The following FA2H variants were observed in gnomAD, a reference collection of about 807,000 sequenced individuals.
The protein encoded by FA2H is fatty acid alpha-hydroxylase.
A neutral mutation model predicts 44.9 loss-of-function variants in FA2H; 22 were observed. That is an observed-to-expected ratio of 0.49 (90% CI 0.35 to 0.70). The LOEUF (loss-of-function observed/expected upper bound fraction) is 0.70. FA2H is among the 30% of genes least tolerant of loss of function. The pLI is 0.01. For missense variants in FA2H, 501 were observed against 504.9 expected, an observed-to-expected ratio of 0.99 and a Z score of 0.07; for synonymous variants, 243 against 213.2, an observed-to-expected ratio of 1.14 and a Z score of -1.22.
chr16:74,773,219 A>G (rs1180902669), intron 1 of FA2H, among the ~76,000 whole-genome samples: 1 of 152,172 alleles, frequency 6.6e-6, no homozygotes, highest in African/African-American at 2.4e-5. Flanking sequence ...TGAGTACAGT[A>G]CTATAAGATG....
intron 1 of FA2H, among the ~76,000 whole-genome samples, chr16:74,753,998 C>A (rs1287446552): frequency 6.6e-6 from 1 of 152,210 alleles, no homozygotes; most frequent in Non-Finnish European, 1.5e-5. Context: ...CGACATTGAA[C>A]TCTCTGTCTT....
At chr16:74,774,087 G>C (rs1309042702) in intron 1 of FA2H, among the ~76,000 whole-genome samples, 1 of 152,126 alleles carries the variant, frequency 6.6e-6, no homozygotes, top group Non-Finnish European at 1.5e-5. Context: ...AACAGAAACG[G>C]AGAGTGGTTG....
intron 2 of FA2H, among the ~76,000 whole-genome samples, chr16:74,730,043 C>G (rs1962043412): frequency 1.3e-5 from 2 of 152,174 alleles, no homozygotes; most frequent in Admixed American, 1.3e-4. Context: ...GCAATCTCAT[C>G]CTTGTACAGG....
intron 6 of FA2H, among the ~76,000 whole-genome samples, chr16:74,715,832 T>TTA (rs1247055291): frequency 0.032 from 4,776 of 147,878 alleles, 107 homozygotes; most frequent in African/African-American, 0.056. Flanking sequence ...TTTTTTTTTT[T>TTA]ATAGACAGAG....
rs554210355 is a variant in FA2H at position 74,721,985 on chromosome 16, A to G, written c.614-2825T>C. Among the ~76,000 whole-genome samples, 5 of 152,188 alleles carry G rather than the reference A, an allele frequency of 3.3e-5. No homozygotes were observed. The South Asian group carries it at 1.0e-3, about 32-fold the overall frequency. ...CCTTCCATGGATTACTTCCTATTTC[A>G]TCTCACCACAGCCTTACAAGGGAAG... On this transcript the variant is annotated intron_variant, in intron 4 of 6. Transcript: ENST00000219368.
At position 74,715,011 on chromosome 16, in the gene FA2H, T is replaced by A. The variant is rs189288386; in HGVS notation, c.1040-742A>T. ...ACCACCATATCCAGCTAATTTTTTG[T>A]GTTTTTAGTAGAGAGGGGGTTTCAA... On this transcript the variant is annotated intron_variant, in intron 6 of 6. Transcript: ENST00000219368. Among the ~76,000 whole-genome samples, 494 of 152,040 alleles carry A rather than the reference T, an allele frequency of 3.2e-3. 2 individuals are homozygous for A. The highest frequency in any genetic ancestry group is 5.1e-3 in the Non-Finnish European group (350 of 67,970).
intron 1 of FA2H, among the ~76,000 whole-genome samples, chr16:74,773,821 G>T (rs1386941872): frequency 1.3e-5 from 2 of 152,220 alleles, no homozygotes; most frequent in Non-Finnish European, 2.9e-5. Flanking sequence ...GGTCCAAAGT[G>T]CTGGTCCCTT....
At chr16:74,715,754 G>A (rs896714888) in intron 6 of FA2H, among the ~76,000 whole-genome samples, 2 of 151,640 alleles carry the variant, frequency 1.3e-5, no homozygotes, top group East Asian at 3.9e-4. Flanking sequence ...AGTGGAAATC[G>A]CTGGACCCTC....
chr16:74,753,102 G>A (rs897006445), intron 1 of FA2H, among the ~76,000 whole-genome samples: 2 of 152,200 alleles, frequency 1.3e-5, no homozygotes, highest in African/African-American at 2.4e-5. Flanking sequence ...TGATCCCTGC[G>A]TCCTGTTCCA....
At chr16:74,769,596 G>C (rs1023551706) in intron 1 of FA2H, among the ~76,000 whole-genome samples, 4 of 152,110 alleles carry the variant, frequency 2.6e-5, no homozygotes, top group African/African-American at 9.7e-5. Flanking sequence ...AAACTGGGGG[G>C]AAAAAAACCT....
intron 2 of FA2H, among the ~76,000 whole-genome samples, chr16:74,735,335 G>C (rs10438604): frequency 3.3e-5 from 5 of 152,124 alleles, no homozygotes; most frequent in African/African-American, 1.2e-4. Context: ...CGTCCTGCGC[G>C]GTCTAACTGG....
In FA2H at chr16:74,713,825, G is replaced by A. The variant is rs1597535801; in HGVS notation, c.*365C>T. 1 of 256,726 alleles carries A rather than the reference G, an allele frequency of 3.9e-6. No individual in the cohort carries two copies. The highest frequency in any genetic ancestry group is 7.7e-6 in the Non-Finnish European group (1 of 130,522). 15.9% of individuals were successfully genotyped at this position (256,726 alleles called of 1,614,324 possible). On this transcript the variant is annotated 3_prime_UTR_variant, in exon 7 of 7. Coordinates refer to ENST00000219368, the MANE Select transcript of FA2H (RefSeq NM_024306.5). ...TGCAGGCAGCTCCTAGGCAGCCCAT[G>A]AGGCTAAGGCACAAGGGTGACACAG...
At chr16:74,746,286 G>A (rs1165393307) in intron 1 of FA2H, among the ~76,000 whole-genome samples, 1 of 151,966 alleles carries the variant, frequency 6.6e-6, no homozygotes, top group African/African-American at 2.4e-5. Context: ...TTGACACAGG[G>A]TCTCACTTCG....
chr16:74,765,377 G>C (rs948986345), intron 1 of FA2H, among the ~76,000 whole-genome samples: 1 of 151,972 alleles, frequency 6.6e-6, no homozygotes, highest in Non-Finnish European at 1.5e-5. Context: ...GGCTGGTCTC[G>C]GACTCCTGAC....
intron 1 of FA2H, among the ~76,000 whole-genome samples, chr16:74,760,934 A>G (rs1489643973): frequency 6.6e-6 from 1 of 152,100 alleles, no homozygotes; most frequent in African/African-American, 2.4e-5. Flanking sequence ...ACCCACTTTA[A>G]GAGTTCAAGT....
intron 1 of FA2H, among the ~76,000 whole-genome samples, chr16:74,741,796 ATATATATATATATG>A (rs1224833969): frequency 1.3e-4 from 10 of 78,504 alleles, no homozygotes; most frequent in South Asian, 4.7e-4. Context: ...ATATATATAT[ATATATATATATATG>A]TGTGTGTGTG....
chr16:74,746,623 C>A lies in FA2H; in HGVS notation c.271-6508G>T, dbSNP rs372906948. ...AAACAAATGATGTGGGCCGAACCAA[C>A]ACATATGAATATAAATGTGGCCCTT... On this transcript the variant is annotated intron_variant, in intron 1 of 6. Coordinates refer to ENST00000219368, the MANE Select transcript of FA2H (RefSeq NM_024306.5). Among the ~76,000 whole-genome samples, 3 of 152,268 alleles carry A rather than the reference C, an allele frequency of 2.0e-5. No homozygotes were observed. The East Asian group carries it at 5.8e-4, about 29-fold the overall frequency.
intron 4 of FA2H, among the ~76,000 whole-genome samples, chr16:74,720,355 C>T (rs1961809237): frequency 6.6e-6 from 1 of 151,482 alleles, no homozygotes; most frequent in African/African-American, 2.4e-5. Context: ...GCCACCACAC[C>T]TGGCTAATTT....
At chr16:74,741,829 T>TGTGTGTGTGTGC (rs1962313618) in intron 1 of FA2H, among the ~76,000 whole-genome samples, 2 of 90,274 alleles carry the variant, frequency 2.2e-5, no homozygotes, top group Admixed American at 2.3e-4. Context: ...TGTGTGTGTG[T>TGTGTGTGTGTGC]GTGTGTGTAT....
Sources: allele counts gnomAD v4.1 joint callset (sites outside exome capture counted in the v4.1 genomes callset), GRCh38; gene constraint gnomAD v4.1.1; transcripts MANE v1.5; gene names NCBI Gene and HGNC (gene_info 2026-07-23, HGNC 2026-07-21).